The following ZFHX3 variants were observed in gnomAD, a reference collection of about 807,000 sequenced individuals.
ZFHX3 encodes the protein zinc finger homeobox protein 3.
ZFHX3 carries 42 observed loss-of-function variants against 279.1 expected under a neutral mutation model. The ratio of observed to expected loss-of-function variants is 0.15; its 90% CI spans 0.12 to 0.19. The LOEUF (loss-of-function observed/expected upper bound fraction) is 0.19. Ranked by LOEUF, ZFHX3 falls within the 10% of genes least tolerant of loss-of-function variation. The pLI is 1.00. For synonymous variants in ZFHX3, 2,293 were observed against 1,957.8 expected (o/e 1.17, Z -4.52); for missense variants, 4,981 against 4,754.0 (o/e 1.05, Z -1.40).
chr16:73,626,102 C>T (rs985070051), intron 2 of ZFHX3, among the ~76,000 whole-genome samples: 2 of 152,060 alleles, frequency 1.3e-5, no homozygotes, highest in Non-Finnish European at 2.9e-5. Context: ...GTGATCCGCC[C>T]GCCTCGGCCT....
chr16:73,317,969 A>G (rs1438652101), intron 4 of ZFHX3, among the ~76,000 whole-genome samples: 20 of 152,216 alleles, frequency 1.3e-4, no homozygotes, highest in Admixed American at 1.3e-3. Context: ...GACAACCTTT[A>G]CAATGAAGCA....
exon 3 of ZFHX3, chr16:73,456,035 C>T (rs1176856862): frequency 6.6e-6 from 1 of 152,098 alleles, no homozygotes; most frequent in Non-Finnish European, 1.5e-5. Flanking sequence ...CTCCTCCAGT[C>T]CTGGAGACCA....
intron 4 of ZFHX3, among the ~76,000 whole-genome samples, chr16:72,887,778 G>A (rs917713048): frequency 1.5e-4 from 23 of 151,960 alleles, no homozygotes; most frequent in Admixed American, 3.9e-4. Flanking sequence ...TACAGGGGGT[G>A]TGTGTGTGTA....
intron 4 of ZFHX3, among the ~76,000 whole-genome samples, chr16:72,830,127 A>T (rs1230228812): frequency 6.6e-6 from 1 of 152,230 alleles, no homozygotes; most frequent in Non-Finnish European, 1.5e-5. Flanking sequence ...ATAGATTCTG[A>T]ATGCTTCGCT....
intron 2 of ZFHX3, among the ~76,000 whole-genome samples, chr16:73,519,548 A>G (rs1162274581): frequency 6.6e-6 from 1 of 151,954 alleles, no homozygotes; most frequent in East Asian, 1.9e-4. Context: ...GGTTGATTGG[A>G]ATTTCTTTCC....
Position 73,083,021 on chromosome 16 carries a change from TAAAAAAAAA to T in ZFHX3, c.-533+10205_-533+10213del, listed in dbSNP as rs71156139. Reference sequence around the variant, plus strand: ...CAACATGGTGAAACTCCATCTCTACTAAAAAAAAAAAAAAAAAAAAAAAATACAAAAATT... The same window carrying T: ...CAACATGGTGAAACTCCATCTCTACTAAAAAAAAAAAAAAATACAAAAATT... On this transcript the variant is annotated intron_variant, in intron 8 of 17. Transcript: ENST00000641206. Among the ~76,000 whole-genome samples, 1,073 of 131,964 alleles carry T rather than the reference TAAAAAAAAA, an allele frequency of 8.1e-3. 3 individuals are homozygous for T. Among genetic ancestry groups the T allele is most frequent in the Admixed American group, 0.013 (173 of 13,576 alleles). 86.6% of individuals were successfully genotyped at this position (131,964 alleles called of 152,430 possible). A position where few individuals can be genotyped will look rare whatever the true frequency, so the allele number is the denominator to read the frequency against.
At chr16:72,910,256 C>T (rs190454474) in intron 3 of ZFHX3, among the ~76,000 whole-genome samples, 28 of 152,308 alleles carry the variant, frequency 1.8e-4, no homozygotes, top group African/African-American at 6.5e-4. Flanking sequence ...TGAGTCTACG[C>T]CTTCCAGTAG....
intron 3 of ZFHX3, among the ~76,000 whole-genome samples, chr16:72,937,759 C>A (rs986183382): frequency 6.6e-6 from 1 of 152,230 alleles, no homozygotes; most frequent in African/African-American, 2.4e-5. Flanking sequence ...AACACCATCT[C>A]CTCTCACTTC....
intron 2 of ZFHX3, among the ~76,000 whole-genome samples, chr16:73,507,489 T>C (rs2019348096): frequency 5.7e-5 from 5 of 88,132 alleles, no homozygotes; most frequent in Admixed American, 3.7e-4. Flanking sequence ...CTGCCACTTT[T>C]TTTTTTTTTT....
intron 5 of ZFHX3, among the ~76,000 whole-genome samples, chr16:72,825,591 C>G (rs2036910556): frequency 6.6e-6 from 1 of 152,128 alleles, no homozygotes; most frequent in African/African-American, 2.4e-5. Context: ...TGAAGCAGGA[C>G]CTGTGTACCT....
At chr16:72,971,380 G>C (rs781648969) in intron 1 of ZFHX3, among the ~76,000 whole-genome samples, 1 of 152,140 alleles carries the variant, frequency 6.6e-6, no homozygotes, top group South Asian at 2.1e-4. Context: ...ATCAAGCATG[G>C]TTTTGAGCAC....
intron 6 of ZFHX3, chr16:73,131,133 G>C (rs1966672083): frequency 2.0e-6 from 1 of 494,046 alleles, no homozygotes; most frequent in Non-Finnish European, 3.9e-6. Context: ...GTTTTCTAGG[G>C]TTGACATGAG....
At chr16:72,803,171 T>C (rs542189523) in intron 7 of ZFHX3, among the ~76,000 whole-genome samples, 3 of 152,034 alleles carry the variant, frequency 2.0e-5, no homozygotes, top group East Asian at 3.9e-4. Flanking sequence ...ATCTCTACTA[T>C]AAATACAAAA....
intron 4 of ZFHX3, among the ~76,000 whole-genome samples, chr16:73,304,367 C>A (rs1274005783): frequency 6.6e-6 from 1 of 152,130 alleles, no homozygotes; most frequent in Non-Finnish European, 1.5e-5. Context: ...CTTTGCCATG[C>A]TGTTTCTATC....
chr16:73,157,600 G>A (rs1967126209), intron 5 of ZFHX3, among the ~76,000 whole-genome samples: 1 of 151,688 alleles, frequency 6.6e-6, no homozygotes, highest in Admixed American at 6.6e-5. Context: ...TTTCCAATTT[G>A]GCTTAATTGA....
At position 73,498,432 on chromosome 16, in the gene ZFHX3, G is replaced by T. The variant is rs149907765; in HGVS notation, c.-1546-42174C>A. On this transcript the variant is annotated intron_variant, in intron 2 of 17. Transcript: ENST00000641206. ...CCTGTAAGCTGTACACTCAAGACCT[G>T]CACTGTTTATTATATGTTTGCACAC... 2.5e-3 allele frequency among the ~76,000 whole-genome samples: 381 copies of T among 152,276 alleles called. 9 individuals carry two copies. The highest frequency in any genetic ancestry group is 0.023 in the Admixed American group (357 of 15,290).
At chr16:73,485,157 G>A (rs1221014725) in intron 2 of ZFHX3, among the ~76,000 whole-genome samples, 1 of 152,126 alleles carries the variant, frequency 6.6e-6, no homozygotes, top group African/African-American at 2.4e-5. Context: ...TCAAATAGAG[G>A]GTTGAAAAAT....
At chr16:73,416,073 G>C (rs1437412000) in intron 3 of ZFHX3, among the ~76,000 whole-genome samples, 4 of 139,640 alleles carry the variant, frequency 2.9e-5, no homozygotes, top group African/African-American at 1.1e-4. Context: ...TGAGCCGAGA[G>C]ATAATGCCAT....
intron 2 of ZFHX3, among the ~76,000 whole-genome samples, chr16:73,641,831 TA>T (rs1320514963): frequency 6.6e-6 from 1 of 152,204 alleles, no homozygotes; most frequent in African/African-American, 2.4e-5. Flanking sequence ...CTTGGCTTTT[TA>T]AAAGTATATG....
Sources: allele counts gnomAD v4.1 joint callset (sites outside exome capture counted in the v4.1 genomes callset), GRCh38; gene constraint gnomAD v4.1.1; transcripts MANE v1.5; gene names NCBI Gene and HGNC (gene_info 2026-07-23, HGNC 2026-07-21).